VRK1: variants seen among roughly 807,000 people sequenced by gnomAD.
VRK1 encodes the protein VRK serine/threonine kinase 1.
A neutral mutation model predicts 57.1 loss-of-function variants in VRK1; 33 were observed. The ratio of observed to expected loss-of-function variants is 0.58; its 90% CI spans 0.44 to 0.77. The LOEUF is 0.77. Among genes scored for constraint, VRK1 ranks in the 30% least tolerant of loss-of-function variants. The pLI is 0.00. For synonymous variants in VRK1, 137 were observed against 147.8 expected (o/e 0.93, Z 0.53); for missense variants, 413 against 477.3 (o/e 0.87, Z 1.25).
At chr14:96,862,282 G>A (rs1888420590) in intron 11 of VRK1, among the ~76,000 whole-genome samples, 1 of 152,128 alleles carries the variant, frequency 6.6e-6, no homozygotes, top group African/African-American at 2.4e-5. Flanking sequence ...TTTCCTGTTG[G>A]ATCATCCCTG....
At chr14:96,858,654 T>G (rs1402926330) in intron 10 of VRK1, among the ~76,000 whole-genome samples, 1 of 152,186 alleles carries the variant, frequency 6.6e-6, no homozygotes, top group Non-Finnish European at 1.5e-5. Context: ...GACCATTCTT[T>G]CCCTTTGTTG....
intron 12 of VRK1, among the ~76,000 whole-genome samples, chr14:96,880,357 G>C (rs1484635541): frequency 3.3e-5 from 5 of 152,170 alleles, no homozygotes; most frequent in Non-Finnish European, 5.9e-5. Context: ...GCACCATGCT[G>C]TCCCTGACTC....
chr14:96,859,096 ACT>A (rs1415507185), intron 10 of VRK1: 1 of 148,908 alleles, frequency 6.7e-6, no homozygotes, highest in Non-Finnish European at 1.5e-5. Context: ...TCTCTAGGAA[ACT>A]CTTGCTCATC....
intron 1 of VRK1, among the ~76,000 whole-genome samples, chr14:96,819,884 C>G (rs1045580512): frequency 3.9e-5 from 6 of 152,122 alleles, no homozygotes; most frequent in Non-Finnish European, 7.4e-5. Flanking sequence ...CGGGCGTTAC[C>G]CTGGAGAAGA....
At chr14:96,862,998 A>G (rs1330679574) in intron 11 of VRK1, among the ~76,000 whole-genome samples, 1 of 152,166 alleles carries the variant, frequency 6.6e-6, no homozygotes, top group East Asian at 1.9e-4. Flanking sequence ...ACAGGAATTG[A>G]TGAACAGTGG....
intron 11 of VRK1, among the ~76,000 whole-genome samples, chr14:96,872,674 G>A (rs181701126): frequency 1.3e-5 from 2 of 152,272 alleles, no homozygotes; most frequent in Non-Finnish European, 2.9e-5. Context: ...GAAATACTGA[G>A]CACATTCTCT....
At chr14:96,841,567 A>C (rs560290002) in intron 3 of VRK1, among the ~76,000 whole-genome samples, 1 of 152,332 alleles carries the variant, frequency 6.6e-6, no homozygotes, top group South Asian at 2.1e-4. Flanking sequence ...TAAACAAAAC[A>C]ATACTACTGA....
At chr14:96,877,416 T>G (rs1049105278) in intron 12 of VRK1, 5 of 996,310 alleles carry the variant, frequency 5.0e-6, no homozygotes, top group Admixed American at 2.3e-5. Context: ...GGTTTTGAAG[T>G]AGTCCCTCTC....
intron 3 of VRK1, among the ~76,000 whole-genome samples, chr14:96,841,973 A>G (rs1011774946): frequency 1.3e-5 from 2 of 152,116 alleles, no homozygotes; most frequent in Non-Finnish European, 2.9e-5. Flanking sequence ...TACAGCACTC[A>G]TTGTATTAAC....
At chr14:96,823,775 TCTCC>T (rs1940811988) in intron 1 of VRK1, among the ~76,000 whole-genome samples, 1 of 152,336 alleles carries the variant, frequency 6.6e-6, no homozygotes, top group African/African-American at 2.4e-5. Flanking sequence ...AACTCTCTTT[TCTCC>T]CTCCCTCCAG....
intron 11 of VRK1, 136 bp from the exon 12 acceptor site, chr14:96,875,894 A>T: frequency 1.1e-6 from 1 of 908,348 alleles, no homozygotes; most frequent in Non-Finnish European, 1.7e-6. Flanking sequence ...CCTGAAGTTG[A>T]GAATATTCTT....
intron 1 of VRK1, among the ~76,000 whole-genome samples, chr14:96,808,681 ACTT>A (rs1050066976): frequency 1.6e-5 from 2 of 128,000 alleles, no homozygotes; most frequent in African/African-American, 5.9e-5. Context: ...TTTTTGCTTG[ACTT>A]CTTTTACTCG....
At chr14:96,826,857 A>C (rs1566692776) in intron 1 of VRK1, among the ~76,000 whole-genome samples, 2 of 152,210 alleles carry the variant, frequency 1.3e-5, no homozygotes, top group Non-Finnish European at 2.9e-5. Flanking sequence ...AAAAGCAACA[A>C]GGAGATTGAG....
chr14:96,805,574 A>G (rs1286277809), intron 1 of VRK1, among the ~76,000 whole-genome samples: 1 of 152,162 alleles, frequency 6.6e-6, no homozygotes, highest in African/African-American at 2.4e-5. Context: ...TTGTGCATTT[A>G]AAAGATTATC....
chr14:96,878,478 G>A (rs976150934), intron 12 of VRK1, among the ~76,000 whole-genome samples: 5 of 152,096 alleles, frequency 3.3e-5, no homozygotes, highest in African/African-American at 1.2e-4. Flanking sequence ...TTTACAGTAT[G>A]GTAAGAGATT....
At chr14:96,814,958 CTT>C (rs894573405) in intron 1 of VRK1, among the ~76,000 whole-genome samples, 12 of 152,106 alleles carry the variant, frequency 7.9e-5, no homozygotes, top group South Asian at 2.1e-4. Context: ...TCTTTCTAGT[CTT>C]TTATTGTATA....
intron 1 of VRK1, among the ~76,000 whole-genome samples, chr14:96,829,853 A>G (rs1279679038): frequency 6.6e-6 from 1 of 152,174 alleles, no homozygotes; most frequent in Non-Finnish European, 1.5e-5. Context: ...TTTACTGCTC[A>G]CTGATATTGA....
At chr14:96,817,132 A>G (rs1196328528) in intron 1 of VRK1, among the ~76,000 whole-genome samples, 2 of 152,202 alleles carry the variant, frequency 1.3e-5, no homozygotes, top group Non-Finnish European at 2.9e-5. Flanking sequence ...GTTTAGGTGG[A>G]CACTCATTAT....
chr14:96,828,454 A>G (rs1028436197), intron 1 of VRK1, among the ~76,000 whole-genome samples: 1 of 152,194 alleles, frequency 6.6e-6, no homozygotes. Flanking sequence ...AAAGGAAGAA[A>G]AGCTTCCAAA....
Sources: gnomAD v4.1 joint callset for allele counts (sites outside exome capture counted in the v4.1 genomes callset) on GRCh38, gnomAD v4.1.1 for gene constraint, MANE v1.5 for transcripts, NCBI Gene and HGNC (gene_info 2026-07-23, HGNC 2026-07-21) for gene names.